COL13A1: variants seen among roughly 807,000 people sequenced by gnomAD.
COL13A1 encodes collagen type XIII alpha 1 chain.
In COL13A1, 89 loss-of-function variants were observed where a neutral mutation model predicts 130.9. The observed-to-expected ratio is 0.68, with a 90% confidence interval of 0.57 to 0.81. The LOEUF is 0.81. COL13A1 is among the 30% of genes least tolerant of loss of function. COL13A1 has a pLI of 0.00. For missense variants in COL13A1, 879 were observed against 934.6 expected (o/e 0.94, Z 0.78); for synonymous variants, 402 against 341.6 (o/e 1.18, Z -1.95).
intron 7 of COL13A1, among the ~76,000 whole-genome samples, chr10:69,883,879 G>A (rs1004153136): frequency 1.3e-5 from 2 of 152,340 alleles, no homozygotes; most frequent in Middle Eastern, 3.4e-3. Context: ...CTGGCTGGAA[G>A]GCACTTGCAA....
At chr10:69,853,528 A>T (rs1855567755) in intron 2 of COL13A1, among the ~76,000 whole-genome samples, 1 of 152,264 alleles carries the variant, frequency 6.6e-6, no homozygotes, top group Non-Finnish European at 1.5e-5. Context: ...CAACGCAAGT[A>T]TAAAGAACCA....
chr10:69,814,579 C>G (rs1843951480), intron 1 of COL13A1, among the ~76,000 whole-genome samples: 1 of 152,232 alleles, frequency 6.6e-6, no homozygotes, highest in African/African-American at 2.4e-5. Context: ...ATCCTGCCAG[C>G]TGTCTTGCGT....
At chr10:69,829,030 T>C (rs1295972998) in intron 2 of COL13A1, among the ~76,000 whole-genome samples, 1 of 152,118 alleles carries the variant, frequency 6.6e-6, no homozygotes, top group African/African-American at 2.4e-5. Flanking sequence ...CATCTCCGCC[T>C]GGATCCTCAA....
intron 2 of COL13A1, among the ~76,000 whole-genome samples, chr10:69,862,454 G>A (rs536677920): frequency 6.6e-6 from 1 of 152,266 alleles, no homozygotes; most frequent in Middle Eastern, 3.4e-3. Flanking sequence ...TGGGCCATAG[G>A]GCTGTACGTG....
chr10:69,870,735 G>A (rs964736114), intron 3 of COL13A1, among the ~76,000 whole-genome samples: 4 of 152,056 alleles, frequency 2.6e-5, no homozygotes, highest in African/African-American at 7.2e-5. Context: ...GAAGGTGAGG[G>A]GTGGAGAACA....
intron 13 of COL13A1, among the ~76,000 whole-genome samples, chr10:69,898,138 G>A (rs1018134038): frequency 6.6e-6 from 1 of 152,126 alleles, no homozygotes. Context: ...CCCCAGATGC[G>A]CTGACACCAG....
chr10:69,918,144 G>A, intron 18 of COL13A1, 141 bp from the exon 19 acceptor site: 1 of 631,316 alleles, frequency 1.6e-6, no homozygotes, highest in Non-Finnish European at 2.7e-6. Context: ...CCTCCCAGGT[G>A]GGGTTGGTGG....
chr10:69,931,245 C>T (rs1360186909), intron 30 of COL13A1: 3 of 455,454 alleles, frequency 6.6e-6, no homozygotes, highest in Non-Finnish European at 1.3e-5. Flanking sequence ...AGCTGGGCTC[C>T]TGAGGTTTAC....
intron 2 of COL13A1, among the ~76,000 whole-genome samples, chr10:69,864,684 G>A (rs1859293430): frequency 6.6e-6 from 1 of 152,220 alleles, no homozygotes; most frequent in African/African-American, 2.4e-5. Context: ...GACCCAGAAT[G>A]CTACCCCAGA....
intron 37 of COL13A1, 21 bp downstream of exon 37, chr10:69,945,745 G>A (rs758982089): frequency 3.7e-6 from 6 of 1,605,482 alleles, no homozygotes; most frequent in Non-Finnish European, 5.1e-6. Context: ...TGGGATCAGA[G>A]GTTCCTCTCC....
intron 23 of COL13A1, 119 bp downstream of exon 23, chr10:69,922,913 G>A: frequency 1.6e-6 from 1 of 629,524 alleles, no homozygotes; most frequent in Non-Finnish European, 2.6e-6. Flanking sequence ...CCCTGCTCCA[G>A]ATGTGTGGTT....
chr10:69,803,834 A>G (rs1840726867), intron 1 of COL13A1, among the ~76,000 whole-genome samples: 1 of 152,160 alleles, frequency 6.6e-6, no homozygotes, highest in Admixed American at 6.6e-5. Context: ...GATGTAGCAA[A>G]CACTGGAGCA....
intron 20 of COL13A1, among the ~76,000 whole-genome samples, chr10:69,919,359 G>C (rs779050000): frequency 6.6e-6 from 1 of 152,178 alleles, no homozygotes; most frequent in Non-Finnish European, 1.5e-5. Context: ...GACAATAAGA[G>C]GTGTGACAAT....
chr10:69,842,400 A>G (rs1851848758), intron 2 of COL13A1, among the ~76,000 whole-genome samples: 1 of 152,302 alleles, frequency 6.6e-6, no homozygotes, highest in Middle Eastern at 3.4e-3. Context: ...AAAACGGACT[A>G]TTACACTGGC....
intron 5 of COL13A1, among the ~76,000 whole-genome samples, chr10:69,875,848 C>T (rs977526931): frequency 3.9e-5 from 6 of 152,334 alleles, no homozygotes; most frequent in African/African-American, 1.4e-4. Flanking sequence ...CCTCACCACT[C>T]CCCAGCCTGG....
intron 2 of COL13A1, among the ~76,000 whole-genome samples, chr10:69,837,269 G>C (rs1043897468): frequency 6.6e-6 from 1 of 152,218 alleles, no homozygotes; most frequent in Admixed American, 6.5e-5. Context: ...GGCTGGTGTC[G>C]GTTCTGATTG....
intron 31 of COL13A1, 127 bp downstream of exon 31, chr10:69,932,731 T>A: frequency 3.0e-6 from 2 of 662,154 alleles, no homozygotes; most frequent in Non-Finnish European, 5.5e-6. Flanking sequence ...CCACCATAGG[T>A]CAGGCACTGA....
At chr10:69,891,753 C>A (rs1351864298) in intron 10 of COL13A1, among the ~76,000 whole-genome samples, 2 of 152,194 alleles carry the variant, frequency 1.3e-5, no homozygotes, top group African/African-American at 2.4e-5. Context: ...CATGGCCCCC[C>A]AGAAGTAATA....
chr10:69,865,332 A>G (rs1411602430), intron 2 of COL13A1, among the ~76,000 whole-genome samples: 6 of 152,216 alleles, frequency 3.9e-5, no homozygotes, highest in Admixed American at 3.9e-4. Flanking sequence ...GATTTTGCAA[A>G]GCCATCAGCT....
Sources: gnomAD v4.1 joint callset for allele counts (sites outside exome capture counted in the v4.1 genomes callset) on GRCh38, gnomAD v4.1.1 for gene constraint, MANE v1.5 for transcripts, NCBI Gene and HGNC (gene_info 2026-07-23, HGNC 2026-07-21) for gene names.